The following MICU3 variants were observed in gnomAD, a reference collection of about 807,000 sequenced individuals.
The protein encoded by MICU3 is mitochondrial calcium uptake 3.
Under a neutral mutation model 66.5 loss-of-function variants are expected in MICU3, and 62 were observed. That is an observed-to-expected ratio of 0.93 (90% CI 0.76 to 1.15). The LOEUF (loss-of-function observed/expected upper bound fraction) is 1.15. Among genes scored for constraint, MICU3 ranks in the 50% most tolerant of loss-of-function variants. The probability of loss-of-function intolerance (pLI) is 0.00; values close to 1 mark genes in which losing one functional copy is unlikely to be tolerated. For missense variants in MICU3, 779 were observed against 664.4 expected (o/e 1.17, Z -1.90); for synonymous variants, 308 against 240.7 (o/e 1.28, Z -2.59).
chr8:17,036,772 A>G (rs924152932), intron 1 of MICU3, among the ~76,000 whole-genome samples: 1 of 152,214 alleles, frequency 6.6e-6, no homozygotes, highest in Non-Finnish European at 1.5e-5. Flanking sequence ...ATCCCGCACC[A>G]GGGCTGCAGG....
At chr8:17,085,963 T>C (rs1799423509) in intron 6 of MICU3, among the ~76,000 whole-genome samples, 1 of 152,104 alleles carries the variant, frequency 6.6e-6, no homozygotes, top group Admixed American at 6.6e-5. Flanking sequence ...TGTGACAAAA[T>C]GCCTAGTATA....
chr8:17,090,169 C>A (rs1014700486), intron 7 of MICU3, among the ~76,000 whole-genome samples: 2 of 152,046 alleles, frequency 1.3e-5, no homozygotes, highest in African/African-American at 4.8e-5. Flanking sequence ...GTCTCTCATA[C>A]CATTTCCACT....
At chr8:17,039,127 T>G (rs954059690) in intron 1 of MICU3, among the ~76,000 whole-genome samples, 2 of 152,174 alleles carry the variant, frequency 1.3e-5, no homozygotes, top group African/African-American at 2.4e-5. Context: ...ATTAGCACTT[T>G]TTTAGCAATA....
rs1811240207 is a variant in MICU3 at position 17,027,671 on chromosome 8, G to C, written c.381+11G>C. 7.8e-7 allele frequency: 1 copy of C among 1,287,478 alleles called. No individual in the cohort carries two copies. Among genetic ancestry groups the C allele is most frequent in the African/African-American group, 1.5e-5 (1 of 64,680 alleles). 79.8% of individuals were successfully genotyped at this position (1,287,478 alleles called of 1,614,324 possible). A position where few individuals can be genotyped will look rare whatever the true frequency, so the allele number is the denominator to read the frequency against. On this transcript the variant is annotated intron_variant, in intron 1 of 14. Coordinates refer to ENST00000318063, the MANE Select transcript of MICU3 (RefSeq NM_181723.3). ...GCTGCCAAGGAGACGGTGAGTGCGC[G>C]AGCGCGCGTCACACCTGCGCGGGGG...
chr8:17,106,106 T>C (rs1053658136), intron 11 of MICU3, among the ~76,000 whole-genome samples: 1 of 152,046 alleles, frequency 6.6e-6, no homozygotes. Context: ...GTAACAAATG[T>C]GTTGTCAGTG....
At chr8:17,048,285 C>T (rs944540418) in intron 1 of MICU3, among the ~76,000 whole-genome samples, 10 of 152,108 alleles carry the variant, frequency 6.6e-5, no homozygotes, top group African/African-American at 2.4e-4. Context: ...ACTACATATC[C>T]TAAATGTGTA....
chr8:17,100,179 C>T (rs1408151557), intron 9 of MICU3, among the ~76,000 whole-genome samples: 1 of 151,500 alleles, frequency 6.6e-6, no homozygotes, highest in African/African-American at 2.4e-5. Context: ...GTATGAATAC[C>T]ACAGAAACTG....
intron 1 of MICU3, among the ~76,000 whole-genome samples, chr8:17,032,912 T>C (rs550269890): frequency 2.6e-5 from 4 of 152,240 alleles, no homozygotes; most frequent in Admixed American, 2.6e-4. Flanking sequence ...TGGTAATCTG[T>C]GATCATTTAT....
intron 3 of MICU3, among the ~76,000 whole-genome samples, chr8:17,071,974 C>G (rs1272321225): frequency 6.6e-6 from 1 of 152,086 alleles, no homozygotes; most frequent in Non-Finnish European, 1.5e-5. Flanking sequence ...TCCTCCAAAT[C>G]TATCTATAAA....
At chr8:17,076,733 G>C (rs760877642) in intron 3 of MICU3, among the ~76,000 whole-genome samples, 1 of 152,206 alleles carries the variant, frequency 6.6e-6, no homozygotes, top group Non-Finnish European at 1.5e-5. Context: ...TTCAATGTGT[G>C]TAAAAATTAG....
chr8:17,071,651 G>A (rs1819606153), intron 3 of MICU3, among the ~76,000 whole-genome samples: 1 of 152,112 alleles, frequency 6.6e-6, no homozygotes, highest in Admixed American at 6.5e-5. Context: ...AGAATAGAAT[G>A]TGATTGGAAG....
At chr8:17,049,241 A>C (rs1208773844) in intron 1 of MICU3, among the ~76,000 whole-genome samples, 2 of 152,186 alleles carry the variant, frequency 1.3e-5, no homozygotes, top group East Asian at 1.9e-4. Context: ...AGGGTGGTAG[A>C]GCATGAGGCA....
At chr8:17,079,295 T>G (rs1029720674) in intron 4 of MICU3, among the ~76,000 whole-genome samples, 1 of 152,116 alleles carries the variant, frequency 6.6e-6, no homozygotes, top group East Asian at 1.9e-4. Context: ...GAACTTATTT[T>G]TAGTTGTATT....
rs575809222 is a variant in MICU3, at chr8:17,050,974, C to A, written c.382-13110C>A. 7.9e-4 allele frequency among the ~76,000 whole-genome samples: 120 copies of A among 152,254 alleles called. 1 individual carries two copies. Among genetic ancestry groups the A allele is most frequent in the South Asian group, 1.4e-3 (7 of 4,828 alleles). On this transcript the variant is annotated intron_variant, in intron 1 of 14. Coordinates refer to ENST00000318063, the MANE Select transcript of MICU3 (RefSeq NM_181723.3). ...ACCTGGCATTAGATTGGTCCAGTTT[C>A]TTATTATTTCTCTCCCTCGAGTAGT...
intron 14 of MICU3, among the ~76,000 whole-genome samples, chr8:17,119,572 G>C (rs28612365): frequency 7.1e-6 from 1 of 141,070 alleles, no homozygotes; most frequent in Admixed American, 6.8e-5. Flanking sequence ...TAGATAGATA[G>C]ATAGAGGTGT....
At chr8:17,126,000 G>A (rs1005943985), downstream of MICU3, among the ~76,000 whole-genome samples, 1 of 144,134 alleles carries the variant, frequency 6.9e-6, no homozygotes, top group African/African-American at 2.6e-5. Flanking sequence ...ACTGCACTTA[G>A]CCTGGGTAAC....
chr8:17,127,763 G>A, the MICU3 span, among the ~76,000 whole-genome samples: 3 of 151,976 alleles, frequency 2.0e-5, no homozygotes, highest in Admixed American at 6.6e-5. Context: ...AGATATGTGA[G>A]GTTTTAAAAG....
chr8:17,077,111 A>C (rs149119582), intron 3 of MICU3, among the ~76,000 whole-genome samples: 1,552 of 152,332 alleles, frequency 0.01, 26 homozygotes, highest in African/African-American at 0.035. Context: ...TCCGAGCAGC[A>C]GTGATAGTTT....
intron 10 of MICU3, 56 bp from the exon 11 acceptor site, chr8:17,105,357 C>T: frequency 9.6e-7 from 1 of 1,045,558 alleles, no homozygotes; most frequent in Non-Finnish European, 1.4e-6. Context: ...TGCTCATCTC[C>T]TGTTACGATT....
Sources: gnomAD v4.1 joint callset for allele counts (sites outside exome capture counted in the v4.1 genomes callset) on GRCh38, gnomAD v4.1.1 for gene constraint, MANE v1.5 for transcripts, NCBI Gene and HGNC (gene_info 2026-07-23, HGNC 2026-07-21) for gene names.